The following NT5C1B variants were observed in gnomAD, a reference collection of about 807,000 sequenced individuals.
NT5C1B encodes the protein cytosolic 5'-nucleotidase 1B.
NT5C1B carries 44 observed loss-of-function variants against 57.8 expected under a neutral mutation model. The observed-to-expected ratio is 0.76, with a 90% CI of 0.60 to 0.98. The LOEUF is 0.98. Ranked by LOEUF, NT5C1B falls within the 50% of genes least tolerant of loss-of-function variation. The pLI is 0.00. For missense variants in NT5C1B, 742 were observed against 719.5 expected, an observed-to-expected ratio of 1.03 and a Z score of -0.36; for synonymous variants, 284 against 282.6, an observed-to-expected ratio of 1.00 and a Z score of -0.05.
chr2:18,584,811 G>A lies in NT5C1B; in HGVS notation c.426C>T (p.Gly142=), dbSNP rs1484743993. 16 of 1,612,942 alleles carry A rather than the reference G, an allele frequency of 9.9e-6. No homozygotes were observed. Among genetic ancestry groups the A allele is most frequent in the Non-Finnish European group, 1.2e-5 (14 of 1,179,672 alleles). The change falls in exon 4 of 9, where the codon GGC becomes GGT. Residue 142 remains glycine (G), a synonymous_variant. Coordinates refer to ENST00000304081, the Ensembl canonical transcript of NT5C1B. The surrounding 1 kb of genome is among the most constrained non-coding windows in gnomAD (Gnocchi z 5.8). ...CTTGCATTTTGGTGCTGCGCCGGGA[G>A]CCAGGATCGGGCTCTGGGGGCGTGG... is the stretch of plus-strand genomic sequence containing the variant.
chr2:18,563,753 CT>C (rs1472924905), exon 9 of NT5C1B: 1 of 1,457,214 alleles, frequency 6.9e-7, no homozygotes, highest in African/African-American at 1.4e-5. Context: ...GAAGTGGCTT[CT>C]GTAACACCAG....
chr2:18,583,427 C>G (rs1046831950), intron 5 of NT5C1B: 2 of 186,322 alleles, frequency 1.1e-5, no homozygotes, highest in Non-Finnish European at 2.3e-5. Flanking sequence ...TGCAAATCGT[C>G]TCTCTTTTGT....
chr2:18,586,873 A>G, intron 2 of NT5C1B: 1 of 1,503,758 alleles, frequency 6.7e-7, no homozygotes, highest in Non-Finnish European at 8.9e-7. Context: ...CTTTTAGGAG[A>G]AACAAGAATG....
chr2:18,574,934 A>C (rs1006960707), intron 8 of NT5C1B, among the ~76,000 whole-genome samples: 10 of 152,118 alleles, frequency 6.6e-5, no homozygotes, highest in African/African-American at 2.4e-4. Flanking sequence ...ATCAAAATGT[A>C]TACATTAAAT....
At chr2:18,587,441 A>G in intron 2 of NT5C1B, 62 bp downstream of exon 2, 1 of 1,594,764 alleles carries the variant, frequency 6.3e-7, no homozygotes, top group East Asian at 2.2e-5. Context: ...CTGCCCCCTA[A>G]CATTTTCCAT....
In NT5C1B at chr2:18,584,343, A is replaced by C. The variant is rs747148809; in HGVS notation, c.724-88T>G. 6.4e-7 allele frequency: 1 copy of C among 1,560,476 alleles called. No individual in the cohort carries two copies. ...TCCTCCAGGGTAGGGTGAGAGTAGG[A>C]CAGCGGGCCCCTGCTTGGAGAAGCG... On this transcript the variant is annotated intron_variant, in intron 4 of 8. Coordinates refer to ENST00000304081, the Ensembl canonical transcript of NT5C1B. The surrounding 1 kb of genome is among the most constrained non-coding windows in gnomAD (Gnocchi z 5.8).
chr2:18,570,653 A>G (rs1281581022), intron 8 of NT5C1B, among the ~76,000 whole-genome samples: 1 of 152,158 alleles, frequency 6.6e-6, no homozygotes, highest in African/African-American at 2.4e-5. Flanking sequence ...TCTCTGAAAA[A>G]TTCTACCAAA....
chr2:18,583,938 A>G, intron 5 of NT5C1B, 150 bp downstream of exon 5: 1 of 1,412,580 alleles, frequency 7.1e-7, no homozygotes, highest in Non-Finnish European at 9.9e-7. Context: ...GTGCGAAATC[A>G]TAAACTGACC....
chr2:18,582,970 G>T, exon 6 of NT5C1B: 1 of 1,613,866 alleles, frequency 6.2e-7, no homozygotes, highest in Admixed American at 1.7e-5. Flanking sequence ...TATAGATCAC[G>T]GAGTCTAGCA....
intron 6 of NT5C1B, among the ~76,000 whole-genome samples, chr2:18,579,326 A>G (rs1461354169): frequency 6.6e-6 from 1 of 152,236 alleles, no homozygotes; most frequent in Non-Finnish European, 1.5e-5. Context: ...GAGCTGGAAT[A>G]GCCAAAGCAA....
chr2:18,568,836 C>G (rs1268868546), intron 8 of NT5C1B, among the ~76,000 whole-genome samples: 7 of 152,180 alleles, frequency 4.6e-5, no homozygotes, highest in Non-Finnish European at 1.0e-4. Flanking sequence ...CCTTTCCAGA[C>G]CGAACCAATG....
chr2:18,577,920 AC>A (rs1665852226), intron 6 of NT5C1B, among the ~76,000 whole-genome samples: 1 of 152,180 alleles, frequency 6.6e-6, no homozygotes, highest in East Asian at 1.9e-4. Flanking sequence ...CAGAAATGAC[AC>A]AAGTGACATT....
chr2:18,587,487 A>G lies in NT5C1B; in HGVS notation c.120+16T>C, dbSNP rs1325634797. The G allele has an allele frequency of 6.2e-6, 10 of 1,611,978 alleles. No homozygotes were observed. Among genetic ancestry groups the G allele is most frequent in the Admixed American group, 1.7e-5 (1 of 59,568 alleles). On this transcript the variant is annotated intron_variant, in intron 2 of 8. Coordinates refer to ENST00000304081, the Ensembl canonical transcript of NT5C1B. ...GCTCCTTAATTTCCTCACCTCTGCTACAGAGATCAGCTCACCTGATTGCTC... is the reference window on the plus strand; with the variant it reads ...GCTCCTTAATTTCCTCACCTCTGCTGCAGAGATCAGCTCACCTGATTGCTC...
chr2:18,575,306 G>A (rs1183213869), intron 8 of NT5C1B, among the ~76,000 whole-genome samples: 3 of 151,996 alleles, frequency 2.0e-5, no homozygotes, highest in African/African-American at 7.2e-5. Context: ...AGAATATGAA[G>A]TTGAACACAC....
At chr2:18,563,026 A>G (rs976978269) in exon 9 of NT5C1B, 1 of 151,968 alleles carries the variant, frequency 6.6e-6, no homozygotes, top group Non-Finnish European at 1.5e-5. Context: ...GGGCCAGGAT[A>G]CTACACTTCA....
intron 8 of NT5C1B, among the ~76,000 whole-genome samples, chr2:18,575,188 A>G (rs1432077645): frequency 1.3e-5 from 2 of 152,078 alleles, no homozygotes; most frequent in Non-Finnish European, 2.9e-5. Flanking sequence ...GAATTTCAGC[A>G]GAGTAGACTG....
chr2:18,587,032 G>T (rs1443906524), intron 2 of NT5C1B: 1 of 1,614,218 alleles, frequency 6.2e-7, no homozygotes, highest in Non-Finnish European at 8.5e-7. Context: ...TCCCACAACA[G>T]GCACATGTGA....
intron 8 of NT5C1B, among the ~76,000 whole-genome samples, chr2:18,572,401 T>A (rs1665287717): frequency 6.6e-6 from 1 of 152,202 alleles, no homozygotes; most frequent in Non-Finnish European, 1.5e-5. Flanking sequence ...ATTTCTTATA[T>A]ATGACATTAA....
chr2:18,584,241 G>A lies in NT5C1B; in HGVS notation c.738C>T (p.Asn246=), dbSNP rs1226197660. The change falls in exon 5 of 9, where the codon AAC becomes AAT. Residue 246 remains asparagine, a synonymous_variant. Coordinates refer to ENST00000304081, the Ensembl canonical transcript of NT5C1B. The surrounding 1 kb of genome is among the most constrained non-coding windows in gnomAD (Gnocchi z 5.8). ...AGGATGAGAGAGCAATGGTGATGGC[G>A]TTCTTGGGTTTGGGCTGCAGAGAGG... 4 of 1,613,840 alleles carry A rather than the reference G, an allele frequency of 2.5e-6. No individual in the cohort carries two copies. Among genetic ancestry groups the A allele is most frequent in the Non-Finnish European group, 2.5e-6 (3 of 1,179,762 alleles).
Sources: gnomAD v4.1 joint callset for allele counts (sites outside exome capture counted in the v4.1 genomes callset) on GRCh38, gnomAD v4.1.1 for gene constraint, Gnocchi (gnomAD v3.1) non-coding constraint, MANE v1.5 for transcripts, NCBI Gene and HGNC (gene_info 2026-07-23, HGNC 2026-07-21) for gene names.